Variants in CDCA2 observed in about 807,000 individuals in gnomAD.
CDCA2 encodes the protein cell division cycle-associated protein 2.
A neutral mutation model predicts 67.0 loss-of-function variants in CDCA2; 44 were observed. That is an observed-to-expected ratio of 0.66 (90% CI 0.52 to 0.84). The LOEUF (loss-of-function observed/expected upper bound fraction) is 0.84, where lower values mean the gene tolerates loss of function less well. Among genes scored for constraint, CDCA2 ranks in the 40% least tolerant of loss-of-function variants. The probability of loss-of-function intolerance (pLI) is 0.00; values close to 1 mark genes in which losing one functional copy is unlikely to be tolerated. For missense variants in CDCA2, 1,253 were observed against 1,203.2 expected, an observed-to-expected ratio of 1.04 and a Z score of -0.61; for synonymous variants, 447 against 418.7, an observed-to-expected ratio of 1.07 and a Z score of -0.82.
At chr8:25,496,094 A>G (rs946080388) in intron 13 of CDCA2, among the ~76,000 whole-genome samples, 10 of 152,148 alleles carry the variant, frequency 6.6e-5, no homozygotes, top group African/African-American at 2.4e-4. Context: ...ATTTACAACA[A>G]CAAATTTAAT....
At chr8:25,486,980 TG>T (rs1455240381) in intron 11 of CDCA2, among the ~76,000 whole-genome samples, 2 of 152,216 alleles carry the variant, frequency 1.3e-5, no homozygotes, top group Non-Finnish European at 2.9e-5. Flanking sequence ...TTTATTGTAA[TG>T]TGATTTATTC....
In CDCA2 at chr8:25,506,739, T is replaced by C. The variant is rs1251099970; in HGVS notation, c.2073T>C (p.Ile691=). ...NIMNINENKN[I]PKAKNKSESE... ...TGAACATTAATGAAAATAAAAATAT[T>C]CCAAAAGCAAAAAATAAGTCAGAAA... The change falls in exon 15 of 15, where the codon ATT becomes ATC. Residue 691 remains isoleucine, a synonymous_variant. Coordinates refer to ENST00000330560, the MANE Select transcript of CDCA2 (RefSeq NM_152562.4). 6.2e-7 allele frequency: 1 copy of C among 1,612,432 alleles called. No individual in the cohort carries two copies. Among genetic ancestry groups the C allele is most frequent in the Non-Finnish European group, 8.5e-7 (1 of 1,179,658 alleles).
intron 8 of CDCA2, among the ~76,000 whole-genome samples, chr8:25,481,477 T>A (rs1283782135): frequency 1.3e-5 from 2 of 151,926 alleles, no homozygotes; most frequent in Non-Finnish European, 2.9e-5. Context: ...GATCACAAGG[T>A]CAGGAGATAG....
intron 7 of CDCA2, among the ~76,000 whole-genome samples, chr8:25,472,710 T>A (rs1321500648): frequency 4.6e-5 from 7 of 152,204 alleles, no homozygotes; most frequent in African/African-American, 1.4e-4. Flanking sequence ...TTTCTTAAAT[T>A]TATTACTATT....
chr8:25,468,350 C>G lies in CDCA2; in HGVS notation c.672C>G (p.Leu224=). The part of the protein sequence containing the change: ...LTDAEGKVIG[L]QIFNIDTDRA... ...ATGCTGAAGGAAAAGTAATTGGTCTCCAGATATTCAATATTGATACAGACA... is the reference window on the plus strand; with the variant it reads ...ATGCTGAAGGAAAAGTAATTGGTCTGCAGATATTCAATATTGATACAGACA... Residue 224 remains leucine (L), a synonymous_variant, in exon 6 of 15, where the codon CTC becomes CTG. Transcript: ENST00000330560. The G allele has an allele frequency of 1.2e-6, 2 of 1,613,710 alleles. No individual in the cohort carries two copies. Among genetic ancestry groups the G allele is most frequent in the Non-Finnish European group, 1.7e-6 (2 of 1,179,808 alleles).
rs1016032017 is a variant in CDCA2 at position 25,465,810 on chromosome 8, C to G, written c.388-365C>G. Among the ~76,000 whole-genome samples, 7 of 152,294 alleles carry G rather than the reference C, an allele frequency of 4.6e-5. No individual in the cohort carries two copies. The South Asian group carries it at 1.5e-3, about 32-fold the overall frequency. On this transcript the variant is annotated intron_variant, in intron 4 of 14. Transcript: ENST00000330560. ...CTGAAGGAGGTATGCTGAGACTTAC[C>G]TGTGACACAAGCACCATGCAGATGG...
At chr8:25,480,460 C>A (rs1218920274) in intron 8 of CDCA2, among the ~76,000 whole-genome samples, 1 of 152,048 alleles carries the variant, frequency 6.6e-6, no homozygotes, top group Non-Finnish European at 1.5e-5. Context: ...ATATTAATTA[C>A]TTAATCATAA....
chr8:25,505,739 T>C (rs17053797), intron 14 of CDCA2, among the ~76,000 whole-genome samples: 47,872 of 152,018 alleles, frequency 0.31, 7,788 homozygotes, highest in African/African-American at 0.4. Flanking sequence ...CACTTAAAAA[T>C]ATCATCTGAG....
intron 5 of CDCA2, among the ~76,000 whole-genome samples, chr8:25,467,619 A>G (rs190592215): frequency 1.2e-4 from 18 of 152,196 alleles, no homozygotes; most frequent in African/African-American, 4.1e-4. Flanking sequence ...GAGGTACCAT[A>G]TTAGACATGC....
intron 3 of CDCA2, 46 bp from the exon 4 acceptor site, chr8:25,462,008 A>G (rs752973567): frequency 1.9e-6 from 3 of 1,572,174 alleles, no homozygotes; most frequent in African/African-American, 1.4e-5. Flanking sequence ...GTGGTTACTG[A>G]TGATTGCCTT....
At chr8:25,473,945 A>C (rs1803253779) in intron 7 of CDCA2, among the ~76,000 whole-genome samples, 1 of 152,194 alleles carries the variant, frequency 6.6e-6, no homozygotes, top group African/African-American at 2.4e-5. Flanking sequence ...TCCTTTCCCC[A>C]AATCTCAGCA....
At chr8:25,462,353 G>C (rs556919005) in intron 4 of CDCA2, 145 bp downstream of exon 4, 1 of 889,034 alleles carries the variant, frequency 1.1e-6, no homozygotes, top group Admixed American at 2.6e-5. Context: ...GCGGCCGGGC[G>C]CGGTGGCTCA....
intron 13 of CDCA2, among the ~76,000 whole-genome samples, chr8:25,501,182 T>C (rs564849174): frequency 6.6e-5 from 10 of 152,334 alleles, no homozygotes; most frequent in African/African-American, 2.4e-4. Flanking sequence ...TAGAATTTCA[T>C]GTTAAATGTA....
chr8:25,498,453 A>ACCCCCCACCCC (rs1804328540), intron 13 of CDCA2, among the ~76,000 whole-genome samples: 1 of 76,612 alleles, frequency 1.3e-5, no homozygotes, highest in Non-Finnish European at 2.6e-5. Context: ...GGTAATCTGC[A>ACCCCCCACCCC]CCCCCCCCCC....
At chr8:25,487,700 G>A (rs951167081) in intron 12 of CDCA2, among the ~76,000 whole-genome samples, 5 of 151,954 alleles carry the variant, frequency 3.3e-5, no homozygotes, top group African/African-American at 1.2e-4. Context: ...CCGAGATGGC[G>A]CCACTGCACT....
chr8:25,501,960 C>A (rs1040334828), intron 13 of CDCA2, among the ~76,000 whole-genome samples: 3 of 152,114 alleles, frequency 2.0e-5, no homozygotes, highest in Non-Finnish European at 4.4e-5. Context: ...TGCAGTGGCG[C>A]GATCTCGGCT....
chr8:25,476,121 A>G (rs1037612066), intron 7 of CDCA2, among the ~76,000 whole-genome samples: 5 of 152,098 alleles, frequency 3.3e-5, no homozygotes, highest in African/African-American at 1.2e-4. Flanking sequence ...AGGTGTGTCA[A>G]CCTCACTCCC....
At chr8:25,483,095 C>T (rs1803631840) in intron 8 of CDCA2, among the ~76,000 whole-genome samples, 1 of 152,170 alleles carries the variant, frequency 6.6e-6, no homozygotes, top group Non-Finnish European at 1.5e-5. Flanking sequence ...ATTCTAGCTA[C>T]TCACGTTTTC....
At chr8:25,484,662 G>T (rs1275083169) in intron 10 of CDCA2, among the ~76,000 whole-genome samples, 1 of 150,078 alleles carries the variant, frequency 6.7e-6, no homozygotes, top group East Asian at 2.0e-4. Flanking sequence ...TGCGGTCATG[G>T]CTCACTGCAG....
Sources: allele counts gnomAD v4.1 joint callset (sites outside exome capture counted in the v4.1 genomes callset), GRCh38; gene constraint gnomAD v4.1.1; transcripts MANE v1.5; gene names NCBI Gene and HGNC (gene_info 2026-07-23, HGNC 2026-07-21).